The following MAML3 variants were observed in gnomAD, a reference collection of about 807,000 sequenced individuals.
MAML3 encodes mastermind like transcriptional coactivator 3.
In MAML3, 27 loss-of-function variants were observed where a neutral mutation model predicts 101.9. The observed-to-expected ratio is 0.27, with a 90% CI of 0.20 to 0.37. The LOEUF is 0.37. Ranked by LOEUF, MAML3 falls within the 10% of genes least tolerant of loss-of-function variation. The pLI is 1.00. For synonymous variants in MAML3, 501 were observed against 555.9 expected, an observed-to-expected ratio of 0.90 and a Z score of 1.39; for missense variants, 1,316 against 1,444.9, an observed-to-expected ratio of 0.91 and a Z score of 1.45.
chr4:139,769,988 A>G (rs1729943491), intron 2 of MAML3, among the ~76,000 whole-genome samples: 1 of 149,742 alleles, frequency 6.7e-6, no homozygotes, highest in Non-Finnish European at 1.5e-5. Flanking sequence ...GGCACAATCA[A>G]GGTTCACTGC....
intron 1 of MAML3, among the ~76,000 whole-genome samples, chr4:139,983,212 C>A (rs1734478625): frequency 6.6e-6 from 1 of 152,128 alleles, no homozygotes; most frequent in South Asian, 2.1e-4. Context: ...GGGCGTTATA[C>A]AGAGTATATC....
At chr4:139,731,854 A>G (rs1728740666) in intron 2 of MAML3, among the ~76,000 whole-genome samples, 1 of 152,210 alleles carries the variant, frequency 6.6e-6, no homozygotes, top group Admixed American at 6.5e-5. Flanking sequence ...GTAGACTATT[A>G]GGGGAAAACA....
At chr4:139,757,124 G>T (rs1389843601) in intron 2 of MAML3, among the ~76,000 whole-genome samples, 2 of 152,052 alleles carry the variant, frequency 1.3e-5, no homozygotes, top group African/African-American at 4.8e-5. Context: ...TTCATCTTCT[G>T]CCCGCCTCTC....
intron 1 of MAML3, among the ~76,000 whole-genome samples, chr4:140,079,182 C>A (rs1727825520): frequency 6.6e-6 from 1 of 152,082 alleles, no homozygotes; most frequent in South Asian, 2.1e-4. Flanking sequence ...GATAGTCAAC[C>A]GACTTTTTAA....
intron 1 of MAML3, among the ~76,000 whole-genome samples, chr4:140,139,019 T>A (rs1195140834): frequency 6.6e-6 from 1 of 152,018 alleles, no homozygotes; most frequent in Non-Finnish European, 1.5e-5. Context: ...TGCCTGTAAT[T>A]CCAACACTTT....
At chr4:140,084,420 T>C (rs1727918188) in intron 1 of MAML3, among the ~76,000 whole-genome samples, 1 of 152,232 alleles carries the variant, frequency 6.6e-6, no homozygotes, top group African/African-American at 2.4e-5. Flanking sequence ...GTATGAAACC[T>C]GGCACACTGC....
chr4:140,010,026 T>C (rs911260163), intron 1 of MAML3, among the ~76,000 whole-genome samples: 1 of 152,232 alleles, frequency 6.6e-6, no homozygotes, highest in African/African-American at 2.4e-5. Context: ...ATTGCTTTTA[T>C]TGGGTGCTTC....
At chr4:139,881,150 G>A (rs1307898675) in intron 2 of MAML3, among the ~76,000 whole-genome samples, 1 of 152,114 alleles carries the variant, frequency 6.6e-6, no homozygotes. Context: ...AAGGAAAACT[G>A]GCTGCAATCC....
chr4:140,043,649 T>G (rs887021501), intron 1 of MAML3, among the ~76,000 whole-genome samples: 1 of 152,230 alleles, frequency 6.6e-6, no homozygotes. Flanking sequence ...ATGGCAGCAC[T>G]GTCCCTGGAA....
chr4:139,767,592 C>T (rs78179868), intron 2 of MAML3, among the ~76,000 whole-genome samples: 3,774 of 152,302 alleles, frequency 0.025, 160 homozygotes, highest in African/African-American at 0.087. Flanking sequence ...ACATTAATCA[C>T]ATACCTGGTG....
chr4:139,861,927 C>T (rs138734886), intron 2 of MAML3, among the ~76,000 whole-genome samples: 4 of 152,180 alleles, frequency 2.6e-5, no homozygotes, highest in East Asian at 3.9e-4. Context: ...TTATCAATGC[C>T]GGCTGGGTGC....
chr4:140,067,200 G>GGGGT (rs112180841), intron 1 of MAML3, among the ~76,000 whole-genome samples: 3 of 149,758 alleles, frequency 2.0e-5, no homozygotes, highest in Non-Finnish European at 4.4e-5. Context: ...AAATTTTAGG[G>GGGGT]GTGTGTGTGT....
At chr4:139,832,261 C>G (rs953469689) in intron 2 of MAML3, among the ~76,000 whole-genome samples, 1 of 151,148 alleles carries the variant, frequency 6.6e-6, no homozygotes. Flanking sequence ...TGTGCCACTA[C>G]GCCCAGCTAT....
rs1003957807 is a variant in MAML3, at chr4:139,719,097, C to A, written c.*226G>T. 1.9e-6 allele frequency: 1 copy of A among 524,212 alleles called. No homozygotes were observed. The highest frequency in any genetic ancestry group is 1.9e-5 in the African/African-American group (1 of 52,172). The allele number at this position is 524,212 out of a possible 1,614,324, so 32.5% of individuals were successfully genotyped here. A position where few individuals can be genotyped will look rare whatever the true frequency, so the allele number is the denominator to read the frequency against. On this transcript the variant is annotated 3_prime_UTR_variant, in exon 5 of 5. Coordinates refer to ENST00000509479, the MANE Select transcript of MAML3 (RefSeq NM_018717.5). ...TCCGGGTGTCTCCCTCTCTCGCAGC[C>A]GGGATCTGCATGGCGTCTCATCTCG...
At chr4:139,885,246 A>T (rs563988270) in intron 2 of MAML3, among the ~76,000 whole-genome samples, 45 of 146,628 alleles carry the variant, frequency 3.1e-4, no homozygotes, top group African/African-American at 9.4e-4. Context: ...ACTGAAAATT[A>T]AAAAAAAAAA....
At chr4:140,045,306 A>C (rs142167006) in intron 1 of MAML3, among the ~76,000 whole-genome samples, 2,082 of 151,700 alleles carry the variant, frequency 0.014, 22 homozygotes, top group South Asian at 0.033. Context: ...GAGGCAGGAG[A>C]ATCGCTTGAA....
At chr4:139,776,362 G>A (rs1560791023) in intron 2 of MAML3, among the ~76,000 whole-genome samples, 1 of 152,164 alleles carries the variant, frequency 6.6e-6, no homozygotes, top group Non-Finnish European at 1.5e-5. Context: ...CAGTGCCCTG[G>A]AAACCTCCTA....
chr4:140,120,891 T>C (rs924378744), intron 1 of MAML3, among the ~76,000 whole-genome samples: 1 of 152,212 alleles, frequency 6.6e-6, no homozygotes, highest in African/African-American at 2.4e-5. Flanking sequence ...TATCCATTAT[T>C]AAAAATACAC....
At chr4:140,008,014 A>G (rs923149850) in intron 1 of MAML3, among the ~76,000 whole-genome samples, 1 of 152,192 alleles carries the variant, frequency 6.6e-6, no homozygotes, top group Non-Finnish European at 1.5e-5. Context: ...AACGTCTAGG[A>G]TTAATATTTG....
Sources: allele counts gnomAD v4.1 joint callset (sites outside exome capture counted in the v4.1 genomes callset), GRCh38; gene constraint gnomAD v4.1.1; transcripts MANE v1.5; gene names NCBI Gene and HGNC (gene_info 2026-07-23, HGNC 2026-07-21).